The following RUBCN variants were observed in gnomAD, a reference collection of about 807,000 sequenced individuals.
RUBCN encodes run domain Beclin-1-interacting and cysteine-rich domain-containing protein.
RUBCN carries 74 observed loss-of-function variants against 113.2 expected under a neutral mutation model. The observed-to-expected ratio is 0.65, with a 90% CI of 0.54 to 0.79. The LOEUF (loss-of-function observed/expected upper bound fraction) is 0.79. RUBCN is among the 30% of genes least tolerant of loss of function. RUBCN has a pLI of 0.00. For missense variants in RUBCN, 1,109 were observed against 1,251.7 expected (o/e 0.89, Z 1.72); for synonymous variants, 480 against 490.0 (o/e 0.98, Z 0.27).
Position 197,695,892 on chromosome 3 carries a change from A to C in RUBCN, c.1447T>G (p.Phe483Val). The change falls in exon 9 of 20, where the codon TTC becomes GTC. Residue 483 changes from phenylalanine (F) to valine (V), a missense_variant. Coordinates refer to ENST00000296343, the MANE Select transcript of RUBCN (RefSeq NM_014687.4). ...TTTTCCAGGTCGGCACAGCTGCCGAAGTCTTGCTCAGAGAGGTAGCTGATG... is the reference window on the plus strand; with the variant it reads ...TTTTCCAGGTCGGCACAGCTGCCGACGTCTTGCTCAGAGAGGTAGCTGATG... The part of the protein sequence containing the change: ...SLISYLSEQD[F>V]GSCADLEKEN... The C allele has an allele frequency of 6.2e-7, 1 of 1,614,174 alleles. No individual in the cohort carries two copies. Among genetic ancestry groups the C allele is most frequent in the Non-Finnish European group, 8.5e-7 (1 of 1,180,028 alleles).
At chr3:197,749,775 G>C (rs1292964960), upstream of RUBCN, 2 of 558,400 alleles carry the variant, frequency 3.6e-6, no homozygotes, top group Non-Finnish European at 3.3e-6. Context: ...CGCTAGGAGC[G>C]AGTCACGGCG....
At chr3:197,694,055 T>C (rs963715863) in intron 10 of RUBCN, 2 of 506,122 alleles carry the variant, frequency 4.0e-6, no homozygotes, top group African/African-American at 3.9e-5. Flanking sequence ...TTTATTTATA[T>C]ATATACATAT....
chr3:197,674,863 GA>G lies in RUBCN; in HGVS notation c.*154del. The stretch of plus-strand genomic sequence containing the variant: ...ACCTGCCGACGGCTGACTGCACACA[GA>G]CGTCAGACAAGTCAGTAAAAAAAAA... On this transcript the variant is annotated 3_prime_UTR_variant, in exon 20 of 20. Coordinates refer to ENST00000296343, the MANE Select transcript of RUBCN (RefSeq NM_014687.4). 9.6e-6 allele frequency: 6 copies of G among 623,286 alleles called. No homozygotes were observed. Among genetic ancestry groups the G allele is most frequent in the South Asian group, 4.8e-5 (2 of 41,958 alleles). The allele number at this position is 623,286 out of a possible 1,614,324, so 38.6% of individuals were successfully genotyped here.
rs1040713421 is a variant in RUBCN, at chr3:197,681,457, G to C, written c.2192-90C>G. On this transcript the variant is annotated intron_variant, in intron 15 of 19. Transcript: ENST00000296343. The surrounding 1 kb of genome is among the most constrained non-coding windows in gnomAD (Gnocchi z 5.5). The stretch of plus-strand genomic sequence containing the variant: ...TCTGCTTTTCCCTTGAAAGGGCAGA[G>C]AGGGACAGCCAATGGCCTCCAGCAA... 7 of 998,206 alleles carry C rather than the reference G, an allele frequency of 7.0e-6. No homozygotes were observed. Among genetic ancestry groups the C allele is most frequent in the Non-Finnish European group, 1.1e-5 (7 of 637,926 alleles). 61.8% of individuals were successfully genotyped at this position (998,206 alleles called of 1,614,324 possible).
intron 8 of RUBCN, 22 bp from the exon 9 acceptor site, chr3:197,696,003 T>C: frequency 6.2e-7 from 1 of 1,605,856 alleles, no homozygotes; most frequent in Non-Finnish European, 8.5e-7. Flanking sequence ...GGAATGTGGA[T>C]GAAACAGCCA....
intron 1 of RUBCN, among the ~76,000 whole-genome samples, chr3:197,724,958 T>C (rs925140314): frequency 1.5e-4 from 23 of 152,100 alleles, no homozygotes; most frequent in African/African-American, 3.6e-4. Flanking sequence ...GGCAGGTGCA[T>C]TGCTTGAGCT....
intron 2 of RUBCN, among the ~76,000 whole-genome samples, chr3:197,707,276 G>T (rs1431287764): frequency 1.3e-5 from 2 of 151,986 alleles, no homozygotes; most frequent in African/African-American, 4.8e-5. Flanking sequence ...AGCTTGCAAT[G>T]AGCCGAGATG....
At chr3:197,702,344 A>ATACTTGTATGGATAGT (rs1723772402) in intron 5 of RUBCN, among the ~76,000 whole-genome samples, 2 of 152,224 alleles carry the variant, frequency 1.3e-5, no homozygotes, top group Non-Finnish European at 2.9e-5. Flanking sequence ...CAAAGTATTA[A>ATACTTGTATGGATAGT]ATGGATAGTA....
chr3:197,715,214 G>A (rs916831532), intron 2 of RUBCN, among the ~76,000 whole-genome samples: 6 of 151,108 alleles, frequency 4.0e-5, no homozygotes, highest in East Asian at 1.9e-4. Flanking sequence ...GCTTGAACCC[G>A]GGAGGCAGAG....
In RUBCN at chr3:197,674,648, A is replaced by G. The variant is rs555138617; in HGVS notation, c.*370T>C. ...AAGCTCCAGAACTGAAACAAAGGAA[A>G]ATTGGAAATGATACCTGACATGCAG... On this transcript the variant is annotated 3_prime_UTR_variant, in exon 20 of 20. Coordinates refer to ENST00000296343, the MANE Select transcript of RUBCN (RefSeq NM_014687.4). 4 of 421,156 alleles carry G rather than the reference A, an allele frequency of 9.5e-6. No homozygotes were observed. Among genetic ancestry groups the G allele is most frequent in the Non-Finnish European group, 1.9e-5 (4 of 210,658 alleles). The allele number at this position is 421,156 out of a possible 1,614,324, so 26.1% of individuals were successfully genotyped here. A position where few individuals can be genotyped will look rare whatever the true frequency, so the allele number is the denominator to read the frequency against.
intron 10 of RUBCN, chr3:197,694,173 G>T (rs562103002): frequency 8.6e-6 from 6 of 695,402 alleles, no homozygotes; most frequent in African/African-American, 7.0e-5. Context: ...TTCCAGGCGT[G>T]AGCCACTCTG....
At chr3:197,698,557 G>C (rs577060255) in intron 7 of RUBCN, among the ~76,000 whole-genome samples, 6 of 151,566 alleles carry the variant, frequency 4.0e-5, no homozygotes, top group South Asian at 2.1e-4. Context: ...AAACGGAACT[G>C]CAGGAGAGGG....
intron 1 of RUBCN, among the ~76,000 whole-genome samples, chr3:197,731,363 G>T (rs1375233522): frequency 1.3e-5 from 2 of 152,198 alleles, no homozygotes; most frequent in Admixed American, 1.3e-4. Context: ...TCTTAGTACA[G>T]AACAAAATGA....
In RUBCN at chr3:197,672,325, C is replaced by T. The variant is rs991234342; in HGVS notation, c.*2693G>A. On this transcript the variant is annotated 3_prime_UTR_variant, in exon 20 of 20. Coordinates refer to ENST00000296343, the MANE Select transcript of RUBCN (RefSeq NM_014687.4). ...CCTGCCTTCATTTAGAAGGAATTCT[C>T]TTCAGTGCATTCAAAGCTTCTCCCC... 5 of 152,160 alleles carry T rather than the reference C, an allele frequency of 3.3e-5. No individual in the cohort carries two copies. Among genetic ancestry groups the T allele is most frequent in the African/African-American group, 9.7e-5 (4 of 41,422 alleles). 9.4% of individuals were successfully genotyped at this position (152,160 alleles called of 1,614,324 possible).
chr3:197,711,935 C>T (rs551370389), intron 2 of RUBCN, among the ~76,000 whole-genome samples: 3 of 151,858 alleles, frequency 2.0e-5, no homozygotes, highest in Admixed American at 6.6e-5. Context: ...TGGTGACTAT[C>T]GCTTGGTGTT....
intron 1 of RUBCN, among the ~76,000 whole-genome samples, chr3:197,727,432 T>C (rs1372539200): frequency 6.6e-6 from 1 of 152,188 alleles, no homozygotes; most frequent in East Asian, 1.9e-4. Flanking sequence ...ATAAATCTAA[T>C]AAATCCAACA....
At chr3:197,688,949 G>A (rs1462574936) in intron 11 of RUBCN, among the ~76,000 whole-genome samples, 1 of 152,178 alleles carries the variant, frequency 6.6e-6, no homozygotes, top group Non-Finnish European at 1.5e-5. Context: ...ATGTTTTCAG[G>A]CTGGATTATG....
intron 1 of RUBCN, among the ~76,000 whole-genome samples, chr3:197,744,566 C>T (rs1014271116): frequency 2.0e-5 from 3 of 152,156 alleles, no homozygotes; most frequent in Admixed American, 6.6e-5. Flanking sequence ...AAAGACTGAA[C>T]GCTTTCCCTC....
At chr3:197,717,310 G>A (rs1725643964) in intron 2 of RUBCN, among the ~76,000 whole-genome samples, 1 of 151,794 alleles carries the variant, frequency 6.6e-6, no homozygotes, top group African/African-American at 2.4e-5. Flanking sequence ...CGGGCCTGGT[G>A]GCGGGCGCCT....
Sources: allele counts gnomAD v4.1 joint callset (sites outside exome capture counted in the v4.1 genomes callset), GRCh38; gene constraint gnomAD v4.1.1; non-coding constraint Gnocchi (gnomAD v3.1); transcripts MANE v1.5; gene names NCBI Gene and HGNC (gene_info 2026-07-23, HGNC 2026-07-21).